KCNT2: variants seen among roughly 807,000 people sequenced by gnomAD.
KCNT2 encodes potassium sodium-activated channel subfamily T member 2.
KCNT2 carries 67 observed loss-of-function variants against 153.8 expected under a neutral mutation model. The ratio of observed to expected loss-of-function variants is 0.44; its 90% CI spans 0.36 to 0.53. The LOEUF is 0.53. Ranked by LOEUF, KCNT2 falls within the 20% of genes least tolerant of loss-of-function variation. The pLI is 0.00. For synonymous variants in KCNT2, 500 were observed against 458.8 expected (o/e 1.09, Z -1.15); for missense variants, 975 against 1,354.8 (o/e 0.72, Z 4.40).
rs74614622 is a variant in KCNT2, at chr1:196,487,966, T to C, written c.275+1872A>G. Among the ~76,000 whole-genome samples, 1,182 of 152,126 alleles carry C rather than the reference T, an allele frequency of 7.8e-3. 22 individuals carry two copies. The highest frequency in any genetic ancestry group is 0.071 in the South Asian group (344 of 4,828). On this transcript the variant is annotated intron_variant, in intron 3 of 27. Transcript: ENST00000294725. ...TCAGCAGGCAATGAGTTAATGCTGA[T>C]GGCTCATCTTTCAGTGTAATTTATA...
chr1:196,267,168 G>A (rs1452743523), intron 25 of KCNT2, among the ~76,000 whole-genome samples: 1 of 152,166 alleles, frequency 6.6e-6, no homozygotes, highest in Non-Finnish European at 1.5e-5. Flanking sequence ...GGGAAAATAG[G>A]TATGACATTA....
At chr1:196,343,365 T>A (rs1665848719) in intron 14 of KCNT2, among the ~76,000 whole-genome samples, 1 of 152,214 alleles carries the variant, frequency 6.6e-6, no homozygotes, top group Admixed American at 6.5e-5. Context: ...TTTCTCATTT[T>A]ATATAATAAA....
chr1:196,309,733 T>C (rs1396118057), intron 21 of KCNT2, among the ~76,000 whole-genome samples: 1 of 151,864 alleles, frequency 6.6e-6, no homozygotes, highest in Admixed American at 6.6e-5. Flanking sequence ...TTAGTCTCCT[T>C]TGAAACACTA....
Position 196,340,581 on chromosome 1 carries a change from A to C in KCNT2, c.1554-11T>G. Reference sequence around the variant, plus strand: ...AAGCAGACGCCAAACCTTAATTTAAAAAAAAAGAGAGTTTGTAAGAAAATT... The same window carrying C: ...AAGCAGACGCCAAACCTTAATTTAACAAAAAAGAGAGTTTGTAAGAAAATT... On this transcript the variant is annotated splice_polypyrimidine_tract_variant and intron_variant, in intron 15 of 27. Transcript: ENST00000294725. The C allele has an allele frequency of 6.8e-7, 1 of 1,474,618 alleles. No homozygotes were observed. Among genetic ancestry groups the C allele is most frequent in the Non-Finnish European group, 9.2e-7 (1 of 1,090,458 alleles). 91.3% of individuals were successfully genotyped at this position (1,474,618 alleles called of 1,614,324 possible).
intron 14 of KCNT2, among the ~76,000 whole-genome samples, chr1:196,355,878 C>A (rs1667132828): frequency 6.6e-6 from 1 of 151,744 alleles, no homozygotes; most frequent in African/African-American, 2.4e-5. Flanking sequence ...ATTGTACTTT[C>A]CCCTCTCTCA....
At chr1:196,460,378 T>C (rs1360899775) in intron 8 of KCNT2, among the ~76,000 whole-genome samples, 1 of 151,720 alleles carries the variant, frequency 6.6e-6, no homozygotes, top group African/African-American at 2.4e-5. Flanking sequence ...AAATACATGG[T>C]TTGAAATGCT....
chr1:196,387,938 T>C (rs1670139064), intron 13 of KCNT2, among the ~76,000 whole-genome samples: 1 of 151,634 alleles, frequency 6.6e-6, no homozygotes, highest in Non-Finnish European at 1.5e-5. Context: ...TCTTTTTTTT[T>C]TTTTTCTCTT....
chr1:196,319,436 A>T (rs201267103), intron 20 of KCNT2, 48 bp downstream of exon 20: 1 of 1,319,532 alleles, frequency 7.6e-7, no homozygotes, highest in Non-Finnish European at 1.1e-6. Flanking sequence ...CACATGACAA[A>T]CCACAGGACA....
At chr1:196,550,464 T>G (rs1468773205) in intron 1 of KCNT2, among the ~76,000 whole-genome samples, 1 of 151,954 alleles carries the variant, frequency 6.6e-6, no homozygotes, top group Non-Finnish European at 1.5e-5. Flanking sequence ...AGATTGCATT[T>G]AAGTAATATC....
chr1:196,329,285 A>T (rs1340612860), intron 18 of KCNT2, among the ~76,000 whole-genome samples: 1 of 152,110 alleles, frequency 6.6e-6, no homozygotes, highest in Non-Finnish European at 1.5e-5. Context: ...ACCTTCTATC[A>T]GTCTAATGCT....
At chr1:196,401,854 T>C (rs977934938) in intron 12 of KCNT2, among the ~76,000 whole-genome samples, 4 of 151,442 alleles carry the variant, frequency 2.6e-5, no homozygotes, top group South Asian at 4.1e-4. Flanking sequence ...AAATCTAAAC[T>C]ATATAAACAA....
At chr1:196,545,938 A>G (rs1657030185) in intron 1 of KCNT2, among the ~76,000 whole-genome samples, 1 of 151,992 alleles carries the variant, frequency 6.6e-6, no homozygotes, top group Non-Finnish European at 1.5e-5. Flanking sequence ...CGGATATACC[A>G]CATTTCTACT....
At chr1:196,442,007 A>G (rs1286369258) in intron 8 of KCNT2, among the ~76,000 whole-genome samples, 2 of 151,858 alleles carry the variant, frequency 1.3e-5, no homozygotes, top group African/African-American at 4.8e-5. Context: ...AGGAGACAAA[A>G]GCACTATGGT....
At position 196,447,230 on chromosome 1, in the gene KCNT2, A is replaced by T. The variant is rs1037761022; in HGVS notation, c.639-17473T>A. Among the ~76,000 whole-genome samples, 4 of 151,640 alleles carry T rather than the reference A, an allele frequency of 2.6e-5. No homozygotes were observed. The East Asian group carries it at 7.8e-4, about 30-fold the overall frequency. On this transcript the variant is annotated intron_variant, in intron 8 of 27. Transcript: ENST00000294725. ...TGATACAAGCAAATGATCGAAAATA[A>T]TGGAAAACATGTATTACAGAGCAGT...
At chr1:196,401,507 T>G (rs1393089912) in intron 12 of KCNT2, among the ~76,000 whole-genome samples, 2 of 151,732 alleles carry the variant, frequency 1.3e-5, no homozygotes, top group Non-Finnish European at 2.9e-5. Context: ...CAGAGTAATA[T>G]AAAGTATTTT....
chr1:196,589,157 C>A (rs552063210), intron 1 of KCNT2, among the ~76,000 whole-genome samples: 4 of 151,728 alleles, frequency 2.6e-5, no homozygotes, highest in Admixed American at 6.6e-5. Context: ...AGTAGGTTTA[C>A]GTAACAATAT....
chr1:196,341,572 T>G (rs956249935), intron 15 of KCNT2, among the ~76,000 whole-genome samples: 1 of 151,970 alleles, frequency 6.6e-6, no homozygotes, highest in East Asian at 1.9e-4. Context: ...ATACATACAT[T>G]TTTACTTCTT....
chr1:196,296,431 A>T (rs1019630368), intron 22 of KCNT2, among the ~76,000 whole-genome samples: 14 of 152,026 alleles, frequency 9.2e-5, no homozygotes, highest in Non-Finnish European at 2.9e-5. Context: ...TACGGAGACT[A>T]TAATTTTAGA....
At chr1:196,429,512 A>T in intron 9 of KCNT2, 65 bp downstream of exon 9, 1 of 1,049,910 alleles carries the variant, frequency 9.5e-7, no homozygotes, top group Non-Finnish European at 1.3e-6. Context: ...ATTTCTTATT[A>T]AATGTGGAGG....
Sources: allele counts gnomAD v4.1 joint callset (sites outside exome capture counted in the v4.1 genomes callset), GRCh38; gene constraint gnomAD v4.1.1; transcripts MANE v1.5; gene names NCBI Gene and HGNC (gene_info 2026-07-23, HGNC 2026-07-21).